OR1D2: variants seen among roughly 807,000 people sequenced by gnomAD.
OR1D2 encodes the protein olfactory receptor 1D2.
For synonymous variants in OR1D2, 157 were observed against 153.9 expected (o/e 1.02, Z -0.15); for missense variants, 357 against 376.1 (o/e 0.95, Z 0.42).
At chr17:3,095,773 C>T (rs527778969) in intron 1 of OR1D2, among the ~76,000 whole-genome samples, 7 of 151,630 alleles carry the variant, frequency 4.6e-5, no homozygotes, top group Admixed American at 2.0e-4. Context: ...TATGATGTAT[C>T]GTTGAGGCCA....
intron 1 of OR1D2, among the ~76,000 whole-genome samples, chr17:3,101,878 C>G (rs1381803442): frequency 1.3e-5 from 2 of 152,090 alleles, no homozygotes; most frequent in African/African-American, 4.8e-5. Flanking sequence ...CAACAATAGA[C>G]AAGCAGAGAG....
In OR1D2 at chr17:3,104,099, C is replaced by T. The variant is rs1043233781; in HGVS notation, c.-51G>A. On this transcript the variant is annotated splice_region_variant and 5_prime_UTR_variant, in exon 1 of 2. Transcript: ENST00000641833. Reference sequence around the variant, plus strand: ...GAGCATGAGGCTGAGATGTACAGACCTTACCCACTGCTCTGTGCTGCTCTC... The same window carrying T: ...GAGCATGAGGCTGAGATGTACAGACTTTACCCACTGCTCTGTGCTGCTCTC... 6.6e-6 allele frequency: 1 copy of T among 152,142 alleles called. No homozygotes were observed. The highest frequency in any genetic ancestry group is 2.4e-5 in the African/African-American group (1 of 41,410). 9.4% of individuals were successfully genotyped at this position (152,142 alleles called of 1,614,324 possible). A position where few individuals can be genotyped will look rare whatever the true frequency, so the allele number is the denominator to read the frequency against.
At chr17:3,101,998 G>T (rs75038673) in intron 1 of OR1D2, among the ~76,000 whole-genome samples, 8,006 of 152,104 alleles carry the variant, frequency 0.053, 493 homozygotes, top group African/African-American at 0.15. Context: ...CTGATTTGAT[G>T]ATTACACTTA....
At chr17:3,093,151 T>G in intron 1 of OR1D2, 105 bp from the exon 2 acceptor site, 1 of 708,308 alleles carries the variant, frequency 1.4e-6, no homozygotes, top group East Asian at 2.7e-5. Flanking sequence ...AAGTGAAAAA[T>G]ATAACAAAGT....
intron 1 of OR1D2, among the ~76,000 whole-genome samples, chr17:3,094,734 AT>A (rs941075666): frequency 8.5e-5 from 13 of 152,134 alleles, no homozygotes; most frequent in African/African-American, 3.1e-4. Flanking sequence ...CATTGAAAAT[AT>A]TTTCACAAAA....
chr17:3,095,979 C>A (rs1295599269), intron 1 of OR1D2, among the ~76,000 whole-genome samples: 2 of 152,002 alleles, frequency 1.3e-5, no homozygotes, highest in Non-Finnish European at 2.9e-5. Context: ...ATATAGAAAT[C>A]ATTTTCTATA....
At position 3,092,136 on chromosome 17, in the gene OR1D2, G is replaced by A; in HGVS notation, c.861C>T (p.Phe287=). The stretch of plus-strand genomic sequence containing the variant: ...TGTCCTTGTTCCTCAGGCTGTAGAT[G>A]AAGGGATTCATCATGGGTGTCACCA... ...YAVVTPMMNP[F]IYSLRNKDMH... Residue 287 remains phenylalanine (F), a synonymous_variant, in exon 2 of 2, where the codon TTC becomes TTT. Coordinates refer to ENST00000641833, the MANE Select transcript of OR1D2 (RefSeq NM_002548.3). 1 of 1,614,152 alleles carries A rather than the reference G, an allele frequency of 6.2e-7. No homozygotes were observed. The highest frequency in any genetic ancestry group is 8.5e-7 in the Non-Finnish European group (1 of 1,180,002).
rs751406247 is a variant in OR1D2, at chr17:3,092,262, C to A, written c.735G>T (p.Leu245Phe). The A allele has an allele frequency of 6.2e-7, 1 of 1,613,984 alleles. No individual in the cohort carries two copies. Residue 245 changes from leucine to phenylalanine, a missense_variant, in exon 2 of 2, where the codon TTG becomes TTT. Transcript: ENST00000641833. ...TCCCATAGAAGAGGGAGACTGCACC[C>A]AAATGGGAGGCACAGGTGGAGAAGG... ...YKAFSTCASH[L>F]GAVSLFYGTL...
chr17:3,092,006 G>A lies in OR1D2; in HGVS notation c.*52C>T. On this transcript the variant is annotated 3_prime_UTR_variant, in exon 2 of 2. Coordinates refer to ENST00000641833, the MANE Select transcript of OR1D2 (RefSeq NM_002548.3). ...AACACACAGGACAATCCCTTACATA[G>A]GGTGAAGGATATTCCTAGTCTCCAC... 1 of 1,345,432 alleles carries A rather than the reference G, an allele frequency of 7.4e-7. No homozygotes were observed. Among genetic ancestry groups the A allele is most frequent in the Non-Finnish European group, 1.0e-6 (1 of 960,068 alleles). 83.3% of individuals were successfully genotyped at this position (1,345,432 alleles called of 1,614,324 possible). A position where few individuals can be genotyped will look rare whatever the true frequency, so the allele number is the denominator to read the frequency against.
intron 1 of OR1D2, among the ~76,000 whole-genome samples, chr17:3,102,382 G>T (rs147105335): frequency 1.9e-3 from 291 of 152,276 alleles, no homozygotes; most frequent in African/African-American, 6.5e-3. Context: ...TTTTGAGTCT[G>T]AAGTTTGGGT....
intron 1 of OR1D2, among the ~76,000 whole-genome samples, chr17:3,096,027 T>C (rs938232863): frequency 6.6e-6 from 1 of 152,184 alleles, no homozygotes; most frequent in African/African-American, 2.4e-5. Context: ...CTGCAGCTGA[T>C]TCTGATAAGA....
At position 3,092,944 on chromosome 17, in the gene OR1D2, G is replaced by A; in HGVS notation, c.53C>T (p.Ser18Leu). ...GATCCGCTGCTGCTCAGGACTCTCT[G>A]ACATCCCCAGGAGAAGGAACTCTGA... ...EGSEFLLLGM[S>L]ESPEQQRILF... is the part of the protein sequence containing the mutation. Residue 18 changes from serine to leucine, a missense_variant, in exon 2 of 2, where the codon TCA becomes TTA. By Grantham distance (145) the Ser-to-Leu change is moderately radical. Transcript: ENST00000641833. The A allele has an allele frequency of 6.2e-7, 1 of 1,613,808 alleles. No individual in the cohort carries two copies. The highest frequency in any genetic ancestry group is 8.5e-7 in the Non-Finnish European group (1 of 1,179,994).
At chr17:3,103,867 C>T (rs1014142298) in intron 1 of OR1D2, among the ~76,000 whole-genome samples, 1 of 150,810 alleles carries the variant, frequency 6.6e-6, no homozygotes, top group African/African-American at 2.4e-5. Flanking sequence ...GTCATTCTCA[C>T]AGGCTGTGAG....
chr17:3,092,264 A>C lies in OR1D2; in HGVS notation c.733T>G (p.Leu245Val), dbSNP rs1428438839. The change falls in exon 2 of 2, where the codon TTG becomes GTG. Residue 245 changes from leucine (L) to valine (V), a missense_variant. Coordinates refer to ENST00000641833, the MANE Select transcript of OR1D2 (RefSeq NM_002548.3). ...YKAFSTCASH[L>V]GAVSLFYGTL... ...CCATAGAAGAGGGAGACTGCACCCA[A>C]ATGGGAGGCACAGGTGGAGAAGGCT... 2 of 1,614,168 alleles carry C rather than the reference A, an allele frequency of 1.2e-6. No individual in the cohort carries two copies. Among genetic ancestry groups the C allele is most frequent in the Non-Finnish European group, 1.7e-6 (2 of 1,180,020 alleles).
In OR1D2 at chr17:3,092,598, G is replaced by A; in HGVS notation, c.399C>T (p.Thr133=). Residue 133 remains threonine, a synonymous_variant, in exon 2 of 2, where the codon ACC becomes ACT. Coordinates refer to ENST00000641833, the MANE Select transcript of OR1D2 (RefSeq NM_002548.3). ...YVAICCPLHY[T]TAMSPKLCIL... ...TACAGAGCTTAGGGCTCATGGCTGT[G>A]GTGTAGTGGAGGGGGCAGCAGATGG... is the stretch of plus-strand genomic sequence containing the variant. 1 of 1,614,098 alleles carries A rather than the reference G, an allele frequency of 6.2e-7. No homozygotes were observed. The highest frequency in any genetic ancestry group is 8.5e-7 in the Non-Finnish European group (1 of 1,180,018).
At position 3,089,056 on chromosome 17, in the gene OR1D2, T is replaced by C. The variant is rs2047791109; in HGVS notation, c.*3002A>G. The C allele has an allele frequency of 6.6e-6, 1 of 152,204 alleles. No individual in the cohort carries two copies. Among genetic ancestry groups the C allele is most frequent in the Middle Eastern group, 3.2e-3 (1 of 316 alleles). The allele number at this position is 152,204 out of a possible 1,614,324, so 9.4% of individuals were successfully genotyped here. A position where few individuals can be genotyped will look rare whatever the true frequency, so the allele number is the denominator to read the frequency against. ...ATCTTTCAAGGGTGTTAAAGAACCT[T>C]GTTTTGTCATATTACCAGATTTGTT... On this transcript the variant is annotated 3_prime_UTR_variant, in exon 2 of 2. Transcript: ENST00000641833.
intron 1 of OR1D2, among the ~76,000 whole-genome samples, chr17:3,096,382 G>A (rs1031568674): frequency 1.3e-5 from 2 of 152,204 alleles, no homozygotes; most frequent in African/African-American, 4.8e-5. Context: ...GTAAGAGGAT[G>A]GGAAAAGATA....
At chr17:3,098,400 GAGCCCCCAGGCCTACTAA>G (rs1489517862) in intron 1 of OR1D2, among the ~76,000 whole-genome samples, 2 of 152,088 alleles carry the variant, frequency 1.3e-5, no homozygotes, top group African/African-American at 4.8e-5. Flanking sequence ...GGCCTGTAAT[GAGCCCCCAGGCCTACTAA>G]AGAAGAGGGA....
chr17:3,097,870 A>T (rs1473587160), intron 1 of OR1D2, among the ~76,000 whole-genome samples: 2 of 152,132 alleles, frequency 1.3e-5, no homozygotes, highest in Non-Finnish European at 1.5e-5. Flanking sequence ...TTGGTCCCAA[A>T]ATGTGTCCAC....
Sources: gnomAD v4.1 joint callset for allele counts (sites outside exome capture counted in the v4.1 genomes callset) on GRCh38, gnomAD v4.1.1 for gene constraint, MANE v1.5 for transcripts, NCBI Gene and HGNC (gene_info 2026-07-23, HGNC 2026-07-21) for gene names.